Variants in ASTN2 observed in about 807,000 individuals in gnomAD.
ASTN2 encodes the protein astrotactin 2.
Under a neutral mutation model 139.8 loss-of-function variants are expected in ASTN2, and 54 were observed. The observed-to-expected ratio is 0.39, with a 90% CI of 0.31 to 0.48. The LOEUF (loss-of-function observed/expected upper bound fraction) is 0.48. Ranked by LOEUF, ASTN2 falls within the 20% of genes least tolerant of loss-of-function variation. ASTN2 has a pLI of 0.95. For synonymous variants in ASTN2, 756 were observed against 719.5 expected (o/e 1.05, Z -0.81); for missense variants, 1,565 against 1,725.1 (o/e 0.91, Z 1.64).
At chr9:117,280,068 C>T (rs544020092) in intron 2 of ASTN2, among the ~76,000 whole-genome samples, 1 of 152,028 alleles carries the variant, frequency 6.6e-6, no homozygotes, top group African/African-American at 2.4e-5. Context: ...TACTGTTTTC[C>T]TTGTTGTTGT....
chr9:116,961,675 T>G (rs1485787675), intron 10 of ASTN2, among the ~76,000 whole-genome samples: 1 of 152,212 alleles, frequency 6.6e-6, no homozygotes, highest in African/African-American at 2.4e-5. Context: ...GGAAGCATCT[T>G]TGAGTCTCAC....
At chr9:117,130,025 G>C (rs181200689) in intron 4 of ASTN2, among the ~76,000 whole-genome samples, 2 of 152,044 alleles carry the variant, frequency 1.3e-5, no homozygotes, top group African/African-American at 4.8e-5. Flanking sequence ...CCTATCACAG[G>C]GCCAGGCATG....
intron 10 of ASTN2, among the ~76,000 whole-genome samples, chr9:116,925,311 C>A (rs1834723166): frequency 6.6e-6 from 1 of 152,094 alleles, no homozygotes; most frequent in South Asian, 2.1e-4. Context: ...TGAATGATAC[C>A]TCTTGAGAAC....
At chr9:116,900,762 C>T (rs965392522) in intron 10 of ASTN2, among the ~76,000 whole-genome samples, 1 of 152,056 alleles carries the variant, frequency 6.6e-6, no homozygotes, top group Non-Finnish European at 1.5e-5. Flanking sequence ...TCTTTCCTGC[C>T]CCCCTCTTTC....
chr9:117,360,906 A>G (rs1026522403), intron 1 of ASTN2, among the ~76,000 whole-genome samples: 2 of 152,180 alleles, frequency 1.3e-5, no homozygotes, highest in Admixed American at 6.5e-5. Flanking sequence ...TAATAGAAAC[A>G]GTTTTTTTCC....
intron 16 of ASTN2, chr9:116,700,089 C>T (rs868637838): frequency 8.6e-5 from 26 of 304,086 alleles, no homozygotes; most frequent in Middle Eastern, 1.2e-3. Flanking sequence ...CCATTGTTTC[C>T]TTCCTACTAT....
Position 116,945,715 on chromosome 9 carries a change from A to G in ASTN2, c.1889+29493T>C, listed in dbSNP as rs572230933. 4.6e-5 allele frequency among the ~76,000 whole-genome samples: 7 copies of G among 151,650 alleles called. No individual in the cohort carries two copies. In the South Asian group the frequency reaches 1.3e-3, roughly 27 times the overall value. On this transcript the variant is annotated intron_variant, in intron 10 of 22. Transcript: ENST00000313400. Reference sequence around the variant, plus strand: ...TTATTATTTGGCCAATATTTTTCTTAGTGCTGCTGGAATCACAGTTATGAA... The same window carrying G: ...TTATTATTTGGCCAATATTTTTCTTGGTGCTGCTGGAATCACAGTTATGAA...
chr9:116,791,455 C>G (rs925312523), intron 13 of ASTN2, among the ~76,000 whole-genome samples: 1 of 152,200 alleles, frequency 6.6e-6, no homozygotes, highest in Non-Finnish European at 1.5e-5. Context: ...GCTGGGCTGG[C>G]TCATACCTTA....
At chr9:116,975,830 G>T (rs1384002091) in intron 9 of ASTN2, among the ~76,000 whole-genome samples, 1 of 152,158 alleles carries the variant, frequency 6.6e-6, no homozygotes, top group African/African-American at 2.4e-5. Context: ...GTGGGAAGAG[G>T]TTCTATGGTT....
chr9:116,625,466 C>T (rs1856400615), intron 17 of ASTN2, among the ~76,000 whole-genome samples: 1 of 152,168 alleles, frequency 6.6e-6, no homozygotes, highest in Admixed American at 6.5e-5. Flanking sequence ...ACTCTGGCCC[C>T]ATTGCTGTCT....
chr9:116,902,499 T>C (rs1029866613), intron 10 of ASTN2, among the ~76,000 whole-genome samples: 3 of 152,188 alleles, frequency 2.0e-5, no homozygotes, highest in Non-Finnish European at 4.4e-5. Flanking sequence ...ACAAATACCA[T>C]TGTGTTACAA....
chr9:117,015,380 T>A (rs1837645851), intron 6 of ASTN2, among the ~76,000 whole-genome samples: 1 of 152,166 alleles, frequency 6.6e-6, no homozygotes. Flanking sequence ...TAGTAACCTT[T>A]ATTTTGTGCT....
intron 20 of ASTN2, among the ~76,000 whole-genome samples, chr9:116,464,550 T>C (rs1000261494): frequency 2.6e-5 from 4 of 152,182 alleles, no homozygotes; most frequent in African/African-American, 9.6e-5. Context: ...AGAGCAGTTA[T>C]GTGGTCCATT....
chr9:116,738,147 G>A (rs1279563142), intron 13 of ASTN2, among the ~76,000 whole-genome samples: 7 of 148,788 alleles, frequency 4.7e-5, no homozygotes, highest in African/African-American at 9.9e-5. Context: ...AGCCGAGATC[G>A]CGCCACTGCA....
intron 2 of ASTN2, among the ~76,000 whole-genome samples, chr9:117,247,356 C>T (rs1236646620): frequency 6.6e-6 from 1 of 152,170 alleles, no homozygotes; most frequent in Non-Finnish European, 1.5e-5. Context: ...AGAACAGAAA[C>T]CTGTCTAAAG....
chr9:117,175,596 G>GACC (rs1309686841), intron 3 of ASTN2, among the ~76,000 whole-genome samples: 1 of 152,140 alleles, frequency 6.6e-6, no homozygotes, highest in Non-Finnish European at 1.5e-5. Context: ...CTCAGAAACT[G>GACC]ACCTCCAGAT....
chr9:116,552,309 T>C (rs1852388375), intron 19 of ASTN2: 1 of 152,234 alleles, frequency 6.6e-6, no homozygotes, highest in Non-Finnish European at 1.5e-5. Context: ...TTTATTTATT[T>C]TCTTTGAGAA....
At chr9:116,528,841 G>A (rs1205614945) in intron 19 of ASTN2, among the ~76,000 whole-genome samples, 3 of 152,212 alleles carry the variant, frequency 2.0e-5, no homozygotes, top group Non-Finnish European at 4.4e-5. Flanking sequence ...CCACGTCTTG[G>A]TGGCTTCCAC....
chr9:116,981,541 A>G (rs1416503085), intron 7 of ASTN2, among the ~76,000 whole-genome samples: 1 of 152,224 alleles, frequency 6.6e-6, no homozygotes, highest in Non-Finnish European at 1.5e-5. Context: ...AACTCAAGCT[A>G]AGAGAGTAAA....
Sources: gnomAD v4.1 joint callset for allele counts (sites outside exome capture counted in the v4.1 genomes callset) on GRCh38, gnomAD v4.1.1 for gene constraint, MANE v1.5 for transcripts, NCBI Gene and HGNC (gene_info 2026-07-23, HGNC 2026-07-21) for gene names.